EFL1: variants seen among roughly 807,000 people sequenced by gnomAD.
EFL1 encodes elongation factor-like GTPase 1.
EFL1 carries 76 observed loss-of-function variants against 126.7 expected under a neutral mutation model. The ratio of observed to expected loss-of-function variants is 0.60; its 90% CI spans 0.50 to 0.73. The LOEUF (loss-of-function observed/expected upper bound fraction) is 0.73, where lower values mean the gene tolerates loss of function less well. Among genes scored for constraint, EFL1 ranks in the 30% least tolerant of loss-of-function variants. The pLI is 0.00. For missense variants in EFL1, 1,128 were observed against 1,343.2 expected (o/e 0.84, Z 2.50); for synonymous variants, 410 against 448.4 (o/e 0.91, Z 1.08).
At chr15:82,235,698 A>G (rs2074865996) in intron 7 of EFL1, among the ~76,000 whole-genome samples, 1 of 152,192 alleles carries the variant, frequency 6.6e-6, no homozygotes, top group African/African-American at 2.4e-5. Context: ...GACTTCCTCA[A>G]CTTGATAAAG....
Position 82,151,387 on chromosome 15 carries a change from CA to C in EFL1, c.2989+77del, listed in dbSNP as rs374101900. The C allele has an allele frequency of 5.2e-5, 74 of 1,414,514 alleles. No homozygotes were observed. The East Asian group carries it at 1.6e-3, about 30-fold the overall frequency. 87.6% of individuals were successfully genotyped at this position (1,414,514 alleles called of 1,614,324 possible). On this transcript the variant is annotated intron_variant, in intron 18 of 19. Coordinates refer to ENST00000268206, the MANE Select transcript of EFL1 (RefSeq NM_024580.6). ...GGGGCGACAGAATGAGACCCTGTCT[CA>C]AAAACAAGATTTTGAGTCTAGGAGA... is the stretch of plus-strand genomic sequence containing the variant.
intron 4 of EFL1, among the ~76,000 whole-genome samples, chr15:82,247,716 T>C (rs13379834): frequency 0.016 from 2,413 of 152,180 alleles, 84 homozygotes; most frequent in African/African-American, 0.056. Flanking sequence ...GTAGCGATGT[T>C]TGTTTCTCTT....
Position 82,163,918 on chromosome 15 carries a change from G to C in EFL1, c.1817C>G (p.Pro606Arg). The stretch of plus-strand genomic sequence containing the variant: ...GGCTTCGAAGTTGAGTGGTATAAAT[G>C]GTGGGCAGGATGGCAGGCTACACAG... ...ATLCSLPSCP[P>R]FIPLNFEATP... The change falls in exon 16 of 20, where the codon CCA becomes CGA. Residue 606 changes from proline (P) to arginine (R), a missense_variant. Physicochemically the swap from Pro to Arg is moderately radical, Grantham distance 103. Coordinates refer to ENST00000268206, the MANE Select transcript of EFL1 (RefSeq NM_024580.6). 1 of 1,614,124 alleles carries C rather than the reference G, an allele frequency of 6.2e-7. No individual in the cohort carries two copies. Among genetic ancestry groups the C allele is most frequent in the Non-Finnish European group, 8.5e-7 (1 of 1,180,002 alleles).
intron 3 of EFL1, among the ~76,000 whole-genome samples, chr15:82,255,498 CTTAATT>C (rs2075058943): frequency 1.3e-5 from 2 of 152,170 alleles, no homozygotes; most frequent in African/African-American, 4.8e-5. Context: ...TGAATATGTA[CTTAATT>C]TTAAGTAGTT....
intron 4 of EFL1, among the ~76,000 whole-genome samples, chr15:82,246,231 C>T (rs1055693583): frequency 1.3e-5 from 2 of 152,024 alleles, no homozygotes; most frequent in African/African-American, 4.8e-5. Context: ...AGGCCTGCTG[C>T]GTAGATAGTA....
intron 15 of EFL1, among the ~76,000 whole-genome samples, chr15:82,167,523 T>C (rs2074092184): frequency 1.3e-5 from 2 of 152,214 alleles, no homozygotes; most frequent in Non-Finnish European, 2.9e-5. Context: ...GTATCTTTTA[T>C]GATATGAGAC....
At chr15:82,159,107 G>A (rs575929523) in intron 16 of EFL1, among the ~76,000 whole-genome samples, 1 of 152,222 alleles carries the variant, frequency 6.6e-6, no homozygotes, top group South Asian at 2.1e-4. Flanking sequence ...ACTGTGTCCA[G>A]GGTTGACAGA....
At chr15:82,183,526 TC>T (rs2074273232) in intron 15 of EFL1, among the ~76,000 whole-genome samples, 1 of 152,076 alleles carries the variant, frequency 6.6e-6, no homozygotes, top group African/African-American at 2.4e-5. Flanking sequence ...ACACTACTGC[TC>T]CACAGACAGC....
At chr15:82,249,131 C>T (rs569093249) in intron 4 of EFL1, among the ~76,000 whole-genome samples, 3 of 152,040 alleles carry the variant, frequency 2.0e-5, no homozygotes, top group Non-Finnish European at 4.4e-5. Context: ...CTATAACACA[C>T]ACTAAATTTT....
At chr15:82,231,077 T>C (rs1476299691) in intron 7 of EFL1, 106 bp from the exon 8 acceptor site, 2 of 1,329,232 alleles carry the variant, frequency 1.5e-6, no homozygotes, top group African/African-American at 3.0e-5. Context: ...CTTAATCCAG[T>C]ATCCTACAAA....
At chr15:82,234,999 T>C (rs1483645245) in intron 7 of EFL1, among the ~76,000 whole-genome samples, 2 of 152,136 alleles carry the variant, frequency 1.3e-5, no homozygotes, top group African/African-American at 4.8e-5. Flanking sequence ...AATGTCACTG[T>C]TAACATGGCC....
At chr15:82,203,781 C>T (rs534411654) in intron 15 of EFL1, among the ~76,000 whole-genome samples, 96 of 152,318 alleles carry the variant, frequency 6.3e-4, no homozygotes, top group African/African-American at 2.1e-3. Context: ...GTACTTCATT[C>T]ATCTTCACGA....
At chr15:82,246,638 G>C (rs1221776996) in intron 4 of EFL1, among the ~76,000 whole-genome samples, 1 of 152,096 alleles carries the variant, frequency 6.6e-6, no homozygotes, top group African/African-American at 2.4e-5. Context: ...CAGTACAGAG[G>C]GAGAGGTGGA....
intron 18 of EFL1, among the ~76,000 whole-genome samples, chr15:82,142,382 TG>T (rs1338297005): frequency 1.3e-5 from 2 of 151,776 alleles, no homozygotes; most frequent in African/African-American, 4.8e-5. Context: ...CCTAGCTACT[TG>T]GGGGACTAAG....
intron 12 of EFL1, among the ~76,000 whole-genome samples, chr15:82,223,245 T>A (rs1451205240): frequency 9.1e-6 from 1 of 110,054 alleles, no homozygotes; most frequent in African/African-American, 4.2e-5. Flanking sequence ...TTCCCAAATT[T>A]AAAAAATAAA....
chr15:82,197,730 T>G (rs2074422852), intron 15 of EFL1, among the ~76,000 whole-genome samples: 1 of 151,928 alleles, frequency 6.6e-6, no homozygotes, highest in African/African-American at 2.4e-5. Context: ...GGCAAGAGAA[T>G]GAAAAAAAGG....
intron 19 of EFL1, among the ~76,000 whole-genome samples, chr15:82,136,185 T>C (rs2073720124): frequency 6.6e-6 from 1 of 152,146 alleles, no homozygotes. Flanking sequence ...AAAAATTGAA[T>C]ATACGAATTC....
chr15:82,201,005 T>A (rs2074461704), intron 15 of EFL1, among the ~76,000 whole-genome samples: 1 of 152,206 alleles, frequency 6.6e-6, no homozygotes, highest in Admixed American at 6.5e-5. Flanking sequence ...CCTGGGTAGC[T>A]GAGACTACAT....
At chr15:82,216,576 T>G (rs2074648923) in intron 14 of EFL1, among the ~76,000 whole-genome samples, 1 of 152,196 alleles carries the variant, frequency 6.6e-6, no homozygotes, top group Non-Finnish European at 1.5e-5. Context: ...ATCTGATTTC[T>G]GACAGAGTGG....
Sources: allele counts gnomAD v4.1 joint callset (sites outside exome capture counted in the v4.1 genomes callset), GRCh38; gene constraint gnomAD v4.1.1; transcripts MANE v1.5; gene names NCBI Gene and HGNC (gene_info 2026-07-23, HGNC 2026-07-21).